The following TMEM150C variants were observed in gnomAD, a reference collection of about 807,000 sequenced individuals.
The protein encoded by TMEM150C is transmembrane protein 150C.
In TMEM150C, 10 loss-of-function variants were observed where a neutral mutation model predicts 29.9. The observed-to-expected ratio is 0.33, with a 90% CI of 0.21 to 0.57. TMEM150C has a LOEUF of 0.57. Ranked by LOEUF, TMEM150C falls within the 20% of genes least tolerant of loss-of-function variation. The pLI is 0.88. For synonymous variants in TMEM150C, 101 were observed against 112.5 expected (o/e 0.90, Z 0.64); for missense variants, 251 against 303.6 (o/e 0.83, Z 1.29).
At chr4:82,515,170 C>T (rs1724251625) in intron 1 of TMEM150C, among the ~76,000 whole-genome samples, 1 of 152,194 alleles carries the variant, frequency 6.6e-6, no homozygotes, top group African/African-American at 2.4e-5. Flanking sequence ...CACTGATACC[C>T]AAGAGTTCCA....
At chr4:82,511,577 G>C (rs1458931115) in intron 1 of TMEM150C, among the ~76,000 whole-genome samples, 1 of 148,494 alleles carries the variant, frequency 6.7e-6, no homozygotes, top group Non-Finnish European at 1.5e-5. Context: ...CCAGGTTCAG[G>C]TGATCCTCCC....
chr4:82,492,896 A>G (rs935884296), intron 6 of TMEM150C, among the ~76,000 whole-genome samples: 25 of 137,816 alleles, frequency 1.8e-4, no homozygotes, highest in Admixed American at 5.1e-4. Context: ...ATATATATAT[A>G]TATGTATTTG....
At chr4:82,517,002 C>T (rs533331982) in intron 1 of TMEM150C, among the ~76,000 whole-genome samples, 15 of 152,184 alleles carry the variant, frequency 9.9e-5, no homozygotes, top group South Asian at 2.1e-4. Context: ...GACCACTACA[C>T]GACCAGAATG....
chr4:82,544,775 C>CAAAAAAAAAAAACAA (rs149817695), intron 1 of TMEM150C, among the ~76,000 whole-genome samples: 3 of 134,636 alleles, frequency 2.2e-5, no homozygotes, highest in African/African-American at 6.7e-5. Flanking sequence ...TAAGACTATG[C>CAAAAAAAAAAAACAA]AAAAAAAAAC....
At chr4:82,537,063 G>A (rs546474141) in intron 1 of TMEM150C, among the ~76,000 whole-genome samples, 3 of 152,180 alleles carry the variant, frequency 2.0e-5, no homozygotes, top group African/African-American at 7.2e-5. Flanking sequence ...CTCACTACAA[G>A]CTCCACCTCC....
chr4:82,556,875 C>T (rs901014123), intron 1 of TMEM150C, among the ~76,000 whole-genome samples: 4 of 152,124 alleles, frequency 2.6e-5, no homozygotes, highest in African/African-American at 9.7e-5. Context: ...GTGTTAATAT[C>T]TTCAACACAG....
At chr4:82,499,029 G>C (rs1183013424) in intron 5 of TMEM150C, among the ~76,000 whole-genome samples, 2 of 151,992 alleles carry the variant, frequency 1.3e-5, no homozygotes, top group Non-Finnish European at 2.9e-5. Flanking sequence ...ATCAGATCAG[G>C]GGAGGCATAC....
chr4:82,497,666 C>T (rs577645714), intron 5 of TMEM150C, among the ~76,000 whole-genome samples: 4 of 152,190 alleles, frequency 2.6e-5, no homozygotes, highest in East Asian at 1.9e-4. Flanking sequence ...CAGCTAGTAC[C>T]GACTATTGAT....
At chr4:82,537,416 T>A (rs1725046801) in intron 1 of TMEM150C, among the ~76,000 whole-genome samples, 1 of 152,240 alleles carries the variant, frequency 6.6e-6, no homozygotes, top group African/African-American at 2.4e-5. Context: ...GTATTCTCCA[T>A]ACCATTGATG....
chr4:82,537,677 T>C (rs1191633279), intron 1 of TMEM150C, among the ~76,000 whole-genome samples: 1 of 152,220 alleles, frequency 6.6e-6, no homozygotes, highest in Non-Finnish European at 1.5e-5. Flanking sequence ...GTGATCTTCC[T>C]GGATTTAGGG....
chr4:82,537,187 G>A (rs1376470033), intron 1 of TMEM150C, among the ~76,000 whole-genome samples: 2 of 152,034 alleles, frequency 1.3e-5, no homozygotes, highest in Non-Finnish European at 2.9e-5. Flanking sequence ...GGGTTTCACT[G>A]TGTTAGCCAG....
chr4:82,541,058 C>T (rs913376804), intron 1 of TMEM150C, among the ~76,000 whole-genome samples: 12 of 152,106 alleles, frequency 7.9e-5, no homozygotes, highest in Admixed American at 1.3e-4. Context: ...GTACCTACCT[C>T]AAATATTTGT....
chr4:82,536,356 CA>C (rs567469021), intron 1 of TMEM150C, among the ~76,000 whole-genome samples: 7,184 of 79,724 alleles, frequency 0.09, 101 homozygotes, highest in East Asian at 0.22. Context: ...GACTCCATCT[CA>C]AAAAAAAAAA....
intron 1 of TMEM150C, among the ~76,000 whole-genome samples, chr4:82,508,611 A>G (rs1452923009): frequency 2.0e-5 from 3 of 151,914 alleles, no homozygotes; most frequent in African/African-American, 7.3e-5. Context: ...GATTACAGGC[A>G]CCTGCCACCA....
In TMEM150C at chr4:82,488,315, G is replaced by A. The variant is rs149264915; in HGVS notation, c.541+1746C>T. Among the ~76,000 whole-genome samples the A allele has an allele frequency of 2.0e-4, 30 of 152,340 alleles. 1 individual carries two copies. In the East Asian group the frequency reaches 5.4e-3, roughly 27 times the overall value. On this transcript the variant is annotated intron_variant, in intron 7 of 7. Transcript: ENST00000449862. ...AAGGTGGGGTCTGAAGTGGTTAAGA[G>A]TGAAGAGCTGAGCCTGAGTTTAAAT...
At chr4:82,515,767 C>T (rs968630245) in intron 1 of TMEM150C, among the ~76,000 whole-genome samples, 5 of 151,750 alleles carry the variant, frequency 3.3e-5, no homozygotes, top group South Asian at 4.2e-4. Context: ...CTCTTCTAGT[C>T]CTTCAGCCAT....
upstream of TMEM150C, chr4:82,562,243 C>G (rs1725966896): frequency 7.8e-7 from 1 of 1,283,120 alleles, no homozygotes; most frequent in Non-Finnish European, 1.0e-6. Flanking sequence ...CGCTCCTCAT[C>G]CAACAAAAGG....
chr4:82,508,878 A>G (rs1465879312), intron 1 of TMEM150C, among the ~76,000 whole-genome samples: 2 of 152,254 alleles, frequency 1.3e-5, no homozygotes, highest in East Asian at 3.8e-4. Context: ...ATGGTTAATT[A>G]TATCTAGGAC....
chr4:82,517,925 A>C (rs1724345032), intron 1 of TMEM150C, among the ~76,000 whole-genome samples: 1 of 152,246 alleles, frequency 6.6e-6, no homozygotes, highest in African/African-American at 2.4e-5. Flanking sequence ...AAGCACGTAG[A>C]GCAATAACAT....
Sources: allele counts gnomAD v4.1 joint callset (sites outside exome capture counted in the v4.1 genomes callset), GRCh38; gene constraint gnomAD v4.1.1; transcripts MANE v1.5; gene names NCBI Gene and HGNC (gene_info 2026-07-23, HGNC 2026-07-21).